The following TRHDE variants were observed in gnomAD, a reference collection of about 807,000 sequenced individuals.
TRHDE encodes the protein thyrotropin-releasing hormone-degrading ectoenzyme.
In TRHDE, 72 loss-of-function variants were observed where a neutral mutation model predicts 125.7. The ratio of observed to expected loss-of-function variants is 0.57; its 90% CI spans 0.47 to 0.70. The LOEUF is 0.70. Among genes scored for constraint, TRHDE ranks in the 30% least tolerant of loss-of-function variants. The pLI is 0.00. For missense variants in TRHDE, 1,110 were observed against 1,327.1 expected (o/e 0.84, Z 2.54); for synonymous variants, 509 against 509.1 (o/e 1.00, Z 0.00).
intron 15 of TRHDE, among the ~76,000 whole-genome samples, chr12:72,646,336 A>G (rs1012134455): frequency 2.0e-5 from 3 of 152,036 alleles, no homozygotes; most frequent in African/African-American, 7.2e-5. Context: ...ATAAAGCCCT[A>G]GAAGTTACAT....
intron 3 of TRHDE, among the ~76,000 whole-genome samples, chr12:72,393,547 C>A (rs971377148): frequency 6.6e-6 from 1 of 152,110 alleles, no homozygotes; most frequent in Non-Finnish European, 1.5e-5. Flanking sequence ...CATTTTTAAA[C>A]CTAACAAATG....
intron 1 of TRHDE, among the ~76,000 whole-genome samples, chr12:72,101,493 A>G (rs886953134): frequency 2.4e-4 from 37 of 152,196 alleles, no homozygotes; most frequent in African/African-American, 4.8e-5. Flanking sequence ...CCAATAAGTC[A>G]CGCAAATAGT....
intron 6 of TRHDE, among the ~76,000 whole-genome samples, chr12:72,524,551 TTTTA>T (rs2135966582): frequency 6.6e-6 from 1 of 152,078 alleles, no homozygotes; most frequent in East Asian, 1.9e-4. Flanking sequence ...GTAATACATA[TTTTA>T]TTTATTATGG....
At chr12:72,392,905 G>A (rs1162357003) in intron 3 of TRHDE, among the ~76,000 whole-genome samples, 1 of 151,946 alleles carries the variant, frequency 6.6e-6, no homozygotes, top group Non-Finnish European at 1.5e-5. Flanking sequence ...TTATAAATAT[G>A]TGCAGATTCA....
At chr12:72,556,036 T>C (rs1302237540) in intron 7 of TRHDE, among the ~76,000 whole-genome samples, 1 of 152,194 alleles carries the variant, frequency 6.6e-6, no homozygotes, top group Non-Finnish European at 1.5e-5. Context: ...GTTTTAATCT[T>C]TCTCTCCAAC....
chr12:72,248,576 A>G (rs1339573565), intron 2 of TRHDE, among the ~76,000 whole-genome samples: 1 of 152,210 alleles, frequency 6.6e-6, no homozygotes, highest in African/African-American at 2.4e-5. Context: ...CTGAAAATAG[A>G]ACATCAGAGA....
intron 3 of TRHDE, among the ~76,000 whole-genome samples, chr12:72,448,068 A>T (rs1312290249): frequency 6.6e-6 from 1 of 152,100 alleles, no homozygotes; most frequent in African/African-American, 2.4e-5. Context: ...TCATCTCTTT[A>T]CAAGTGTATT....
intron 3 of TRHDE, among the ~76,000 whole-genome samples, chr12:72,440,848 G>C (rs1378030300): frequency 6.6e-6 from 1 of 151,878 alleles, no homozygotes; most frequent in African/African-American, 2.4e-5. Flanking sequence ...TAGCAACCAG[G>C]ACTTCAATTT....
intron 2 of TRHDE, among the ~76,000 whole-genome samples, chr12:72,374,244 A>G (rs1186894050): frequency 2.0e-5 from 3 of 151,890 alleles, no homozygotes; most frequent in Non-Finnish European, 2.9e-5. Context: ...AGCTGGATAG[A>G]AGGAAAGAAT....
intron 2 of TRHDE, among the ~76,000 whole-genome samples, chr12:72,250,485 T>A (rs1437477103): frequency 1.3e-5 from 2 of 152,114 alleles, no homozygotes; most frequent in African/African-American, 4.8e-5. Context: ...CAGATTGGAA[T>A]AGGCTGAAAG....
chr12:72,511,196 C>T (rs1878567535), intron 6 of TRHDE, among the ~76,000 whole-genome samples: 1 of 152,052 alleles, frequency 6.6e-6, no homozygotes, highest in African/African-American at 2.4e-5. Flanking sequence ...TGGAGAACTA[C>T]TGAAAAAATT....
chr12:72,540,848 A>C (rs1363833786), intron 6 of TRHDE, among the ~76,000 whole-genome samples: 1 of 151,728 alleles, frequency 6.6e-6, no homozygotes, highest in Non-Finnish European at 1.5e-5. Context: ...AAAAAAAATC[A>C]GAAAAGGCAT....
At position 72,460,382 on chromosome 12, in the gene TRHDE, G is replaced by C. The variant is rs74103365; in HGVS notation, c.1316-9376G>C. ...GTAGCCATTATACTGTGCACTCATT[G>C]TAGCATATGCACTGCATTGTAATTG... On this transcript the variant is annotated intron_variant, in intron 3 of 18. Transcript: ENST00000261180. 6.7e-3 allele frequency among the ~76,000 whole-genome samples: 1,023 copies of C among 152,238 alleles called. 15 individuals are homozygous for C. The highest frequency in any genetic ancestry group is 0.023 in the African/African-American group (965 of 41,552).
intron 2 of TRHDE, among the ~76,000 whole-genome samples, chr12:72,159,658 C>T (rs1371882376): frequency 1.3e-5 from 2 of 152,128 alleles, no homozygotes; most frequent in Non-Finnish European, 2.9e-5. Flanking sequence ...TCAGGCATGC[C>T]AACTAGCTAT....
intron 12 of TRHDE, among the ~76,000 whole-genome samples, chr12:72,615,021 T>C (rs1237667790): frequency 6.6e-5 from 10 of 152,086 alleles, no homozygotes; most frequent in Non-Finnish European, 1.5e-4. Context: ...GAGGGAAGGA[T>C]ATATGTGTGC....
rs922573484 is a variant in TRHDE, at chr12:72,354,620, C to T, written c.1189-23375C>T. Among the ~76,000 whole-genome samples the T allele has an allele frequency of 1.3e-4, 20 of 150,048 alleles. 1 individual carries two copies. The highest frequency in any genetic ancestry group is 1.3e-3 in the Admixed American group (19 of 14,940). On this transcript the variant is annotated intron_variant, in intron 2 of 18. Coordinates refer to ENST00000261180, the MANE Select transcript of TRHDE (RefSeq NM_013381.3). The stretch of plus-strand genomic sequence containing the variant: ...AAAACTAGTGCCTGATGCCCTTTTC[C>T]CAATTTCTTATTTTATATTTATAAT...
chr12:72,498,224 T>C (rs2135934198), intron 5 of TRHDE, among the ~76,000 whole-genome samples: 1 of 152,306 alleles, frequency 6.6e-6, no homozygotes, highest in Non-Finnish European at 1.5e-5. Flanking sequence ...TTAAACATAC[T>C]AAATCATTGA....
intron 2 of TRHDE, among the ~76,000 whole-genome samples, chr12:72,347,798 C>T (rs952064433): frequency 9.2e-5 from 14 of 151,952 alleles, no homozygotes; most frequent in African/African-American, 1.9e-4. Flanking sequence ...CAAGACAGAG[C>T]GTAAGGGAGG....
intron 7 of TRHDE, among the ~76,000 whole-genome samples, chr12:72,549,691 G>C (rs954597589): frequency 5.3e-5 from 8 of 151,712 alleles, no homozygotes; most frequent in African/African-American, 1.9e-4. Context: ...GAAAATTAAT[G>C]AGCATGTTAT....
Sources: allele counts gnomAD v4.1 joint callset (sites outside exome capture counted in the v4.1 genomes callset), GRCh38; gene constraint gnomAD v4.1.1; transcripts MANE v1.5; gene names NCBI Gene and HGNC (gene_info 2026-07-23, HGNC 2026-07-21).